Variants in CDH17 observed in about 807,000 individuals in gnomAD.
CDH17 encodes the protein cadherin 17.
Under a neutral mutation model 86.3 loss-of-function variants are expected in CDH17, and 67 were observed. That is an observed-to-expected ratio of 0.78 (90% CI 0.64 to 0.95). The LOEUF (loss-of-function observed/expected upper bound fraction) is 0.95. CDH17 is among the 40% of genes least tolerant of loss of function. CDH17 has a pLI of 0.00. For synonymous variants in CDH17, 367 were observed against 366.4 expected (o/e 1.00, Z -0.02); for missense variants, 993 against 1,017.6 (o/e 0.98, Z 0.33).
In CDH17 at chr8:94,151,745, A is replaced by G. The variant is rs1208445366; in HGVS notation, c.1796+123T>C. On this transcript the variant is annotated intron_variant, in intron 13 of 17. Coordinates refer to ENST00000027335, the MANE Select transcript of CDH17 (RefSeq NM_004063.4). ...TTGACAGCTTCCTAAACCAAAGCCA[A>G]TTTCATCATTGCTGGGTATGCTGTG... is the stretch of plus-strand genomic sequence containing the variant. The G allele has an allele frequency of 3.8e-6, 5 of 1,316,828 alleles. No homozygotes were observed. The Admixed American group carries it at 6.2e-5, about 16-fold the overall frequency. The allele number at this position is 1,316,828 out of a possible 1,614,324, so 81.6% of individuals were successfully genotyped here.
chr8:94,216,127 G>A (rs997129229), intron 1 of CDH17, among the ~76,000 whole-genome samples: 3 of 151,490 alleles, frequency 2.0e-5, no homozygotes, highest in Non-Finnish European at 4.4e-5. Flanking sequence ...AGTAACTCAG[G>A]AGACAAGGAG....
intron 9 of CDH17, among the ~76,000 whole-genome samples, chr8:94,168,157 T>C (rs1211329278): frequency 8.4e-6 from 1 of 119,494 alleles, no homozygotes; most frequent in African/African-American, 3.2e-5. Context: ...TATATATATA[T>C]TTGTGTGTGT....
intron 2 of CDH17, 140 bp from the exon 3 acceptor site, chr8:94,189,425 T>A: frequency 1.6e-6 from 1 of 630,716 alleles, no homozygotes. Context: ...GGAAAGAGTG[T>A]AATAGCTGTT....
chr8:94,210,078 G>A (rs371939363), upstream of CDH17, among the ~76,000 whole-genome samples: 1 of 151,860 alleles, frequency 6.6e-6, no homozygotes, highest in East Asian at 1.9e-4. Flanking sequence ...GACAGAAAAT[G>A]GGGACACAGA....
rs369081060 is a variant in CDH17 at position 94,189,147 on chromosome 8, A to C, written c.150+40T>G. The C allele has an allele frequency of 1.3e-5, 18 of 1,377,504 alleles. No homozygotes were observed. The African/African-American group carries it at 2.6e-4, about 20-fold the overall frequency. The allele number at this position is 1,377,504 out of a possible 1,614,324, so 85.3% of individuals were successfully genotyped here. On this transcript the variant is annotated intron_variant, in intron 3 of 17. Transcript: ENST00000027335. ...GGAAGTAAAAGTCCACCAAGAGAGC[A>C]TACAAAATCAAGAGGACAGTGATCA...
At chr8:94,199,352 CA>C (rs1210610058) in intron 1 of CDH17, among the ~76,000 whole-genome samples, 1 of 151,900 alleles carries the variant, frequency 6.6e-6, no homozygotes, top group Middle Eastern at 3.2e-3. Context: ...TTGTGTAATA[CA>C]TTTTTATTGT....
upstream of CDH17, chr8:94,208,569 C>CG (rs1554591741): frequency 6.6e-6 from 1 of 152,196 alleles, no homozygotes; most frequent in African/African-American, 2.4e-5. Context: ...GTATCTCCCC[C>CG]GGGAACACTC....
At chr8:94,145,666 G>T (rs969933604) in intron 15 of CDH17, among the ~76,000 whole-genome samples, 1 of 152,026 alleles carries the variant, frequency 6.6e-6, no homozygotes, top group African/African-American at 2.4e-5. Flanking sequence ...ATCTGTCATT[G>T]AAAATTTTGC....
At chr8:94,137,043 A>T (rs1431423815) in intron 15 of CDH17, among the ~76,000 whole-genome samples, 1 of 152,018 alleles carries the variant, frequency 6.6e-6, no homozygotes, top group African/African-American at 2.4e-5. Context: ...CACCTATATG[A>T]AGTATCAGTC....
intron 3 of CDH17, among the ~76,000 whole-genome samples, chr8:94,185,095 G>T (rs191467431): frequency 1.3e-5 from 2 of 152,256 alleles, no homozygotes; most frequent in Admixed American, 1.3e-4. Flanking sequence ...GGAGACCTGT[G>T]TTCTATTGTT....
At position 94,199,069 on chromosome 8, in the gene CDH17, ATATATATATATATAT is replaced by A. The variant is rs1373423921; in HGVS notation, c.-20-4379_-20-4365del. Among the ~76,000 whole-genome samples the A allele has an allele frequency of 4.5e-4, 13 of 28,844 alleles. 1 individual carries two copies. Among genetic ancestry groups the A allele is most frequent in the African/African-American group, 9.4e-4 (6 of 6,354 alleles). The allele number at this position is 28,844 out of a possible 152,430, so 18.9% of individuals were successfully genotyped here. ...TATATATATATATATATATATATAT[ATATATATATATATAT>A]TTTTTTTTTTTTATCATTTGTCTGT... On this transcript the variant is annotated intron_variant, in intron 1 of 17. Transcript: ENST00000027335.
At chr8:94,152,178 A>T in intron 12 of CDH17, 66 bp from the exon 13 acceptor site, 1 of 1,551,404 alleles carries the variant, frequency 6.4e-7, no homozygotes, top group Non-Finnish European at 8.8e-7. Flanking sequence ...TTCATTCCCT[A>T]TCCTTCTTAA....
intron 15 of CDH17, among the ~76,000 whole-genome samples, chr8:94,135,046 T>G (rs950923317): frequency 1.3e-5 from 2 of 152,174 alleles, no homozygotes; most frequent in African/African-American, 4.8e-5. Context: ...ATTTCTGTTC[T>G]TTTACATTTG....
chr8:94,135,725 A>G (rs201405975), intron 15 of CDH17, among the ~76,000 whole-genome samples: 1 of 151,988 alleles, frequency 6.6e-6, no homozygotes, highest in Non-Finnish European at 1.5e-5. Flanking sequence ...TTGCCTGTTA[A>G]TTGATATAGT....
At chr8:94,194,775 G>C (rs1813751092) in intron 1 of CDH17, 70 bp from the exon 2 acceptor site, 2 of 795,610 alleles carry the variant, frequency 2.5e-6, no homozygotes, top group Admixed American at 4.4e-5. Context: ...CAATCAGTAA[G>C]AATCAATGGA....
intron 2 of CDH17, among the ~76,000 whole-genome samples, chr8:94,194,265 T>A (rs1046327213): frequency 6.6e-6 from 1 of 152,168 alleles, no homozygotes; most frequent in African/African-American, 2.4e-5. Flanking sequence ...GGTGGTAAGT[T>A]TTCATGCGCA....
At position 94,199,461 on chromosome 8, in the gene CDH17, AT is replaced by A. The variant is rs5893273; in HGVS notation, c.-20-4757del. ...AACTAGATCATCTCTTCTTGAACTA[AT>A]TTTTTTTTTTTTAACACCTTCAGTC... is the stretch of plus-strand genomic sequence containing the variant. On this transcript the variant is annotated intron_variant, in intron 1 of 17. Coordinates refer to ENST00000027335, the MANE Select transcript of CDH17 (RefSeq NM_004063.4). Among the ~76,000 whole-genome samples the A allele has an allele frequency of 8.5e-3, 1,264 of 148,244 alleles. 6 individuals carry two copies. Among genetic ancestry groups the A allele is most frequent in the African/African-American group, 0.021 (845 of 40,506 alleles).
intron 15 of CDH17, among the ~76,000 whole-genome samples, chr8:94,136,001 T>G (rs1812516202): frequency 6.6e-6 from 1 of 152,254 alleles, no homozygotes; most frequent in Non-Finnish European, 1.5e-5. Flanking sequence ...TTCTGGCTTG[T>G]AGGGTTTCTG....
intron 12 of CDH17, among the ~76,000 whole-genome samples, chr8:94,159,492 T>C (rs2130616384): frequency 6.6e-6 from 1 of 152,252 alleles, no homozygotes; most frequent in East Asian, 1.9e-4. Context: ...CATGGGGTCA[T>C]CCAACCCAAC....
Sources: allele counts gnomAD v4.1 joint callset (sites outside exome capture counted in the v4.1 genomes callset), GRCh38; gene constraint gnomAD v4.1.1; transcripts MANE v1.5; gene names NCBI Gene and HGNC (gene_info 2026-07-23, HGNC 2026-07-21).